Variants in CFAP47 observed in about 807,000 individuals in gnomAD.
The protein encoded by CFAP47 is cilia and flagella associated protein 47.
A neutral mutation model predicts 148.1 loss-of-function variants in CFAP47; 29 were observed. The observed-to-expected ratio is 0.20, with a 90% CI of 0.15 to 0.27. CFAP47 has a LOEUF of 0.27. Among genes scored for constraint, CFAP47 ranks in the 10% least tolerant of loss-of-function variants. The pLI, the probability that CFAP47 is intolerant of heterozygous loss-of-function variation, is 1.00. For synonymous variants in CFAP47, 664 were observed against 577.3 expected (o/e 1.15, Z -2.15); for missense variants, 1,872 against 1,697.5 (o/e 1.10, Z -1.81).
At chrX:35,994,935 A>G (rs1355737728) in intron 18 of CFAP47, among the ~76,000 whole-genome samples, 1 of 111,794 alleles carries the variant, frequency 8.9e-6, no homozygotes, top group East Asian at 2.8e-4. Context: ...TGGGTAATAT[A>G]AACAACTCAA....
chrX:35,955,937 C>A (rs374417101), intron 7 of CFAP47, 24 bp from the exon 8 acceptor site: 72 of 1,202,934 alleles, frequency 6.0e-5, no homozygotes, highest in Non-Finnish European at 7.6e-5. Flanking sequence ...TTTTTATGTT[C>A]AACAGCTATT....
At chrX:36,241,558 AACCTGGGAGC>A (rs1940544678) in intron 48 of CFAP47, among the ~76,000 whole-genome samples, 1 of 112,053 alleles carries the variant, frequency 8.9e-6, no homozygotes. Flanking sequence ...CTTTCCTGGC[AACCTGGGAGC>A]ACTTCAGATC....
chrX:35,948,496 A>C, intron 4 of CFAP47, 44 bp downstream of exon 4: 1 of 1,041,370 alleles, frequency 9.6e-7, no homozygotes, highest in South Asian at 2.1e-5. Context: ...ACAGATCTCA[A>C]TGCTTTCCCG....
At chrX:36,336,986 T>G (rs1941611635) in intron 57 of CFAP47, among the ~76,000 whole-genome samples, 1 of 112,079 alleles carries the variant, frequency 8.9e-6, no homozygotes, top group African/African-American at 3.2e-5. Flanking sequence ...ATAAACCTTC[T>G]TCCCTATTAC....
At chrX:36,281,112 G>T (rs1009277828) in intron 50 of CFAP47, among the ~76,000 whole-genome samples, 1 of 111,663 alleles carries the variant, frequency 9.0e-6, no homozygotes, top group Non-Finnish European at 1.9e-5. Context: ...GTAAAATAAG[G>T]TGATGAGGAG....
At chrX:36,356,248 C>T (rs1172673929) in intron 60 of CFAP47, among the ~76,000 whole-genome samples, 1 of 111,298 alleles carries the variant, frequency 9.0e-6, no homozygotes, top group Non-Finnish European at 1.9e-5. Context: ...CATCTCCACC[C>T]GTCATTCTCT....
chrX:35,979,696 G>A (rs776044819), intron 15 of CFAP47, among the ~76,000 whole-genome samples: 4 of 111,506 alleles, frequency 3.6e-5, no homozygotes, highest in Non-Finnish European at 1.9e-5. Flanking sequence ...CAAGGCAGTG[G>A]CTTAGAGGTC....
At chrX:36,170,193 T>C (rs1054910880) in intron 39 of CFAP47, among the ~76,000 whole-genome samples, 5 of 112,133 alleles carry the variant, frequency 4.5e-5, no homozygotes, top group Non-Finnish European at 9.4e-5. Flanking sequence ...CATGCCTCTC[T>C]GTATTTACCA....
intron 37 of CFAP47, among the ~76,000 whole-genome samples, chrX:36,158,595 G>A (rs1939395204): frequency 8.9e-6 from 1 of 111,891 alleles, no homozygotes; most frequent in African/African-American, 3.2e-5. Context: ...ATCCTAAAAG[G>A]AGTAAGGAAG....
At chrX:36,259,036 C>T (rs1466020768) in intron 49 of CFAP47, among the ~76,000 whole-genome samples, 1 of 111,265 alleles carries the variant, frequency 9.0e-6, no homozygotes, top group African/African-American at 3.3e-5. Context: ...AATATTTAGA[C>T]TTTCAGGGTG....
At chrX:36,021,201 T>C (rs1161975664) in intron 22 of CFAP47, among the ~76,000 whole-genome samples, 3 of 112,027 alleles carry the variant, frequency 2.7e-5, no homozygotes, top group African/African-American at 9.7e-5. Context: ...TGAAAAGGTG[T>C]TGTAATTATT....
At chrX:36,204,922 G>A (rs1940023902) in intron 44 of CFAP47, 35 bp from the exon 45 acceptor site, 1 of 294,729 alleles carries the variant, frequency 3.4e-6, no homozygotes, top group African/African-American at 2.8e-5. Flanking sequence ...TGAAAGTTAA[G>A]AAAATTACAT....
intron 61 of CFAP47, among the ~76,000 whole-genome samples, chrX:36,361,790 A>T (rs782522492): frequency 8.9e-5 from 10 of 112,006 alleles, no homozygotes; most frequent in African/African-American, 1.3e-4. Context: ...ATCTTTTTTT[A>T]AAAAAGCTGA....
rs1156820594 is a variant in CFAP47, at chrX:36,098,858, G to T, written c.4982G>T (p.Arg1661Met). The T allele has an allele frequency of 8.7e-7, 1 of 1,142,949 alleles. No individual in the cohort carries two copies. The highest frequency in any genetic ancestry group is 1.8e-5 in the African/African-American group (1 of 56,203). 94.2% of individuals were successfully genotyped at this position (1,142,949 alleles called of 1,213,427 possible). A position where few individuals can be genotyped will look rare whatever the true frequency, so the allele number is the denominator to read the frequency against. Reference sequence around the variant, plus strand: ...TTGCTTGAACCAGAAGATTATAAGAGGTGGATTGAAATTATGGTAAGAAAA... The same window carrying T: ...TTGCTTGAACCAGAAGATTATAAGATGTGGATTGAAATTATGGTAAGAAAA... The part of the protein sequence containing the change: ...EFLLEPEDYK[R>M]WIEIMSSTNT... The change falls in exon 31 of 64, where the codon AGG becomes ATG. Residue 1661 changes from arginine (R) to methionine (M), a missense_variant. Physicochemically the swap from Arg to Met is moderately conservative, Grantham distance 91. Coordinates refer to ENST00000378653, the MANE Select transcript of CFAP47 (RefSeq NM_001304548.2).
intron 8 of CFAP47, among the ~76,000 whole-genome samples, chrX:35,965,707 A>G (rs1936391854): frequency 9.0e-6 from 1 of 111,425 alleles, no homozygotes; most frequent in Admixed American, 9.6e-5. Context: ...AATTGTGCAC[A>G]CAGAGTGAGC....
At chrX:36,298,200 AC>A (rs1556007180) in intron 51 of CFAP47, among the ~76,000 whole-genome samples, 1 of 103,506 alleles carries the variant, frequency 9.7e-6, no homozygotes, top group East Asian at 3.1e-4. Context: ...AAAATGTGGC[AC>A]ATATACACCA....
chrX:36,288,490 G>T (rs1168837026), intron 51 of CFAP47, among the ~76,000 whole-genome samples: 4 of 112,122 alleles, frequency 3.6e-5, no homozygotes, highest in Non-Finnish European at 7.5e-5. Context: ...ACTTAAGTGT[G>T]TGAGCAACTC....
chrX:36,057,895 T>C (rs1183446050), intron 26 of CFAP47, among the ~76,000 whole-genome samples: 1 of 111,777 alleles, frequency 8.9e-6, no homozygotes, highest in East Asian at 2.8e-4. Flanking sequence ...TGGGTGTTTA[T>C]GACCTTTTCC....
In CFAP47 at chrX:36,071,865, G is replaced by A. The variant is rs1235822055; in HGVS notation, c.4359G>A (p.Leu1453=). The A allele has an allele frequency of 2.5e-6, 3 of 1,205,047 alleles. No homozygotes were observed. Among genetic ancestry groups the A allele is most frequent in the South Asian group, 1.8e-5 (1 of 56,450 alleles). ...EYLKKTRDGV[L]PPYQDAKPPS... Reference sequence around the variant, plus strand: ...TTAAGAAGACTAGAGATGGTGTTTTGCCTCCCTACCAGGATGCTAAACCAC... The same window carrying A: ...TTAAGAAGACTAGAGATGGTGTTTTACCTCCCTACCAGGATGCTAAACCAC... The change falls in exon 28 of 64, where the codon TTG becomes TTA. Residue 1453 remains leucine (L), a synonymous_variant. Coordinates refer to ENST00000378653, the MANE Select transcript of CFAP47 (RefSeq NM_001304548.2).
Sources: gnomAD v4.1 joint callset for allele counts (sites outside exome capture counted in the v4.1 genomes callset) on GRCh38, gnomAD v4.1.1 for gene constraint, MANE v1.5 for transcripts, NCBI Gene and HGNC (gene_info 2026-07-23, HGNC 2026-07-21) for gene names.